Variants in USP42 observed in about 807,000 individuals in gnomAD.
USP42 encodes the protein ubiquitin specific peptidase 42.
USP42 carries 23 observed loss-of-function variants against 113.0 expected under a neutral mutation model. The observed-to-expected ratio is 0.20, with a 90% CI of 0.15 to 0.29. The LOEUF (loss-of-function observed/expected upper bound fraction) is 0.29, where lower values mean the gene tolerates loss of function less well. Among genes scored for constraint, USP42 ranks in the 10% least tolerant of loss-of-function variants. The pLI is 1.00. For missense variants in USP42, 2,174 were observed against 1,779.8 expected (o/e 1.22, Z -3.99); for synonymous variants, 933 against 699.0 (o/e 1.33, Z -5.28).
the USP42 span, among the ~76,000 whole-genome samples, chr7:6,095,277 G>A: frequency 2.0e-5 from 3 of 151,234 alleles, no homozygotes; most frequent in South Asian, 6.2e-4. Context: ...GGAACCCTGA[G>A]GGTGCTTTAG....
At chr7:6,121,270 T>G (rs1000952060) in intron 3 of USP42, among the ~76,000 whole-genome samples, 2 of 152,196 alleles carry the variant, frequency 1.3e-5, no homozygotes, top group Admixed American at 6.5e-5. Context: ...AAGTATGGTG[T>G]TGTAGGTTTT....
Position 6,158,329 on chromosome 7 carries a change from G to A in USP42, c.3944-1121G>A, listed in dbSNP as rs1278614765. On this transcript the variant is annotated intron_variant, in intron 16 of 17. Coordinates refer to ENST00000306177, the MANE Select transcript of USP42 (RefSeq NM_032172.3). This position sits in a 1 kb window ranked among gnomAD's most constrained non-coding sequence, Gnocchi z 4.2. ...TATTGCCCCTTGACAGAAAGGGTTT[G>A]TCACCCCTGCCTGGACGCCCATTGT... 6.6e-6 allele frequency among the ~76,000 whole-genome samples: 1 copy of A among 152,216 alleles called. No homozygotes were observed. The highest frequency in any genetic ancestry group is 1.5e-5 in the Non-Finnish European group (1 of 68,022).
chr7:6,100,020 T>C (rs953134004), upstream of USP42, among the ~76,000 whole-genome samples: 3 of 149,282 alleles, frequency 2.0e-5, no homozygotes, highest in Non-Finnish European at 2.9e-5. Flanking sequence ...TTATTATTAT[T>C]ATTATTATTA....
At chr7:6,120,352 C>G (rs1428223985) in intron 3 of USP42, among the ~76,000 whole-genome samples, 2 of 152,182 alleles carry the variant, frequency 1.3e-5, no homozygotes, top group East Asian at 3.8e-4. Context: ...AAGTGATTCT[C>G]CTGCCTCAGC....
chr7:6,149,367 CTGTT>C (rs1554346671), intron 12 of USP42, among the ~76,000 whole-genome samples: 3 of 151,920 alleles, frequency 2.0e-5, no homozygotes, highest in Non-Finnish European at 4.4e-5. Context: ...CATGTATGTC[CTGTT>C]TGTTGATTTA....
rs10225119 is a variant in USP42 at position 6,145,563 on chromosome 7, A to G, written c.1038A>G (p.Gln346=). 90,492 of 1,613,668 alleles carry G rather than the reference A, an allele frequency of 0.056. 3,073 individuals carry two copies. The highest frequency in any genetic ancestry group is 0.12 in the African/African-American group (8,859 of 74,952). The part of the protein sequence containing the change: ...EYLDIRPYMS[Q]PNGEPIVYVL... ...TTGATATTCGGCCATATATGTCTCA[A>G]CCCAACGGAGAGCCAATTGTCTACG... Residue 346 remains glutamine (Q), a synonymous_variant, in exon 10 of 18, where the codon CAA becomes CAG. Transcript: ENST00000306177.
rs367838211 is a variant in USP42, at chr7:6,147,674, T to G, written c.1233-65T>G. The G allele has an allele frequency of 4.0e-6, 6 of 1,485,436 alleles. No homozygotes were observed. The African/African-American group carries it at 4.2e-5, about 10-fold the overall frequency. 92.0% of individuals were successfully genotyped at this position (1,485,436 alleles called of 1,614,324 possible). A position where few individuals can be genotyped will look rare whatever the true frequency, so the allele number is the denominator to read the frequency against. On this transcript the variant is annotated intron_variant, in intron 11 of 17. Coordinates refer to ENST00000306177, the MANE Select transcript of USP42 (RefSeq NM_032172.3). ...CTGAGGGGTTAAATGCTGTTGACTT[T>G]GTAAATGAATCTCTCCTAAGGAGGT...
chr7:6,153,731 G>T, intron 14 of USP42, 25 bp from the exon 15 acceptor site: 10 of 1,432,662 alleles, frequency 7.0e-6, no homozygotes, highest in Non-Finnish European at 9.2e-6. Context: ...GCTAACGGGC[G>T]TGTTTGTTTG....
intron 8 of USP42, among the ~76,000 whole-genome samples, chr7:6,143,687 G>T (rs943222339): frequency 1.3e-5 from 2 of 151,656 alleles, no homozygotes; most frequent in Non-Finnish European, 2.9e-5. Context: ...TTCTGGTTAG[G>T]GCTCTCTTTT....
chr7:6,144,358 G>GA (rs1781589046), intron 9 of USP42, among the ~76,000 whole-genome samples, 162 bp downstream of exon 9: 1 of 152,188 alleles, frequency 6.6e-6, no homozygotes, highest in Non-Finnish European at 1.5e-5. Flanking sequence ...CCGTGGTTGT[G>GA]AGGGGATACA....
intron 1 of USP42, among the ~76,000 whole-genome samples, chr7:6,105,866 GAC>G (rs1779251503): frequency 6.6e-6 from 1 of 152,200 alleles, no homozygotes; most frequent in Non-Finnish European, 1.5e-5. Flanking sequence ...TTTTGTTAAT[GAC>G]TCTTAGGAGG....
the USP42 span, among the ~76,000 whole-genome samples, chr7:6,084,098 C>A: frequency 6.6e-6 from 1 of 151,190 alleles, no homozygotes; most frequent in Admixed American, 6.6e-5. Flanking sequence ...TCAATCTCGG[C>A]TCACTGCAAC....
At chr7:6,153,304 A>G (rs1300644401) in intron 14 of USP42, among the ~76,000 whole-genome samples, 2 of 148,570 alleles carry the variant, frequency 1.3e-5, no homozygotes, top group Non-Finnish European at 3.0e-5. Flanking sequence ...AAACAAAACA[A>G]AAAAAAAAAA....
At chr7:6,105,095 C>G (rs1215187969) in intron 1 of USP42, 63 bp downstream of exon 1, 1 of 147,502 alleles carries the variant, frequency 6.8e-6, no homozygotes, top group Non-Finnish European at 1.5e-5. Context: ...GCGGCCCGCT[C>G]GCCTGGGCCG....
chr7:6,092,054 T>TTCTTCTTCTTTC, the USP42 span, among the ~76,000 whole-genome samples: 1 of 37,908 alleles, frequency 2.6e-5, no homozygotes, highest in African/African-American at 7.4e-5. Flanking sequence ...CTTCTTCTTC[T>TTCTTCTTCTTTC]TTCTTCTTCT....
chr7:6,141,596 T>G (rs563237147), intron 7 of USP42, among the ~76,000 whole-genome samples: 17 of 151,994 alleles, frequency 1.1e-4, no homozygotes, highest in African/African-American at 3.9e-4. Context: ...TCTTGCTCCA[T>G]TGCCCAGGCT....
At chr7:6,124,024 C>T (rs1261505440) in intron 3 of USP42, among the ~76,000 whole-genome samples, 6 of 151,946 alleles carry the variant, frequency 3.9e-5, no homozygotes, top group Admixed American at 6.6e-5. Context: ...TACAGACATG[C>T]GCCGCCGTGC....
intron 3 of USP42, among the ~76,000 whole-genome samples, chr7:6,121,721 G>C (rs1269255866): frequency 6.6e-6 from 1 of 152,150 alleles, no homozygotes; most frequent in Non-Finnish European, 1.5e-5. Context: ...CTGGAGTACA[G>C]TGGCAAGATC....
chr7:6,125,554 AT>A (rs1200024981), intron 3 of USP42, among the ~76,000 whole-genome samples: 5 of 152,222 alleles, frequency 3.3e-5, no homozygotes, highest in Middle Eastern at 3.4e-3. Context: ...AATATACTCC[AT>A]CTTTCCTTTC....
Sources: gnomAD v4.1 joint callset for allele counts (sites outside exome capture counted in the v4.1 genomes callset) on GRCh38, gnomAD v4.1.1 for gene constraint, Gnocchi (gnomAD v3.1) non-coding constraint, MANE v1.5 for transcripts, NCBI Gene and HGNC (gene_info 2026-07-23, HGNC 2026-07-21) for gene names.